Variants in CNTN3 observed in about 807,000 individuals in gnomAD.
CNTN3 encodes the protein contactin 3, also known as contactin-3.
Under a neutral mutation model 119.1 loss-of-function variants are expected in CNTN3, and 60 were observed. The observed-to-expected ratio is 0.50, with a 90% CI of 0.41 to 0.62. The LOEUF is 0.62. Ranked by LOEUF, CNTN3 falls within the 20% of genes least tolerant of loss-of-function variation. CNTN3 has a pLI of 0.00. For missense variants in CNTN3, 1,101 were observed against 1,242.4 expected (o/e 0.89, Z 1.71); for synonymous variants, 450 against 438.7 (o/e 1.03, Z -0.32).
At chr3:74,348,414 G>A (rs1439458571) in intron 11 of CNTN3, among the ~76,000 whole-genome samples, 4 of 152,126 alleles carry the variant, frequency 2.6e-5, no homozygotes, top group Non-Finnish European at 5.9e-5. Flanking sequence ...TGACTCACTG[G>A]TCACCAGTGG....
intron 11 of CNTN3, among the ~76,000 whole-genome samples, chr3:74,338,826 C>T (rs1703461783): frequency 6.6e-6 from 1 of 151,982 alleles, no homozygotes; most frequent in Admixed American, 6.6e-5. Context: ...GCACTGCATG[C>T]CAACTTGAGG....
At chr3:74,370,954 G>A (rs1309698104) in intron 6 of CNTN3, among the ~76,000 whole-genome samples, 1 of 151,974 alleles carries the variant, frequency 6.6e-6, no homozygotes, top group East Asian at 1.9e-4. Context: ...TTTGAAAAAG[G>A]GGCCACTCAT....
chr3:74,393,486 TC>T (rs1704966137), intron 5 of CNTN3, among the ~76,000 whole-genome samples: 3 of 152,248 alleles, frequency 2.0e-5, no homozygotes, highest in Admixed American at 2.0e-4. Context: ...CATGTGACCT[TC>T]CCTTTCTTGA....
At chr3:74,565,967 T>C (rs1168794105) in intron 1 of CNTN3, among the ~76,000 whole-genome samples, 1 of 152,128 alleles carries the variant, frequency 6.6e-6, no homozygotes, top group Non-Finnish European at 1.5e-5. Context: ...TGAGATCTCA[T>C]GGTTTTATAA....
intron 1 of CNTN3, among the ~76,000 whole-genome samples, chr3:74,523,330 T>C (rs1703570334): frequency 6.6e-6 from 1 of 151,994 alleles, no homozygotes; most frequent in East Asian, 2.0e-4. Context: ...AAACCAATAA[T>C]GTTTTTTAAA....
In CNTN3 at chr3:74,466,489, A is replaced by G. The variant is rs116091439; in HGVS notation, c.358+19967T>C. On this transcript the variant is annotated intron_variant, in intron 4 of 22. Transcript: ENST00000263665. The stretch of plus-strand genomic sequence containing the variant: ...GCTGAAAGTATCATTATGCATTAAG[A>G]GGCATAACTGTTTTGGTGTTAGAAA... Among the ~76,000 whole-genome samples, 1,307 of 152,282 alleles carry G rather than the reference A, an allele frequency of 8.6e-3. 14 individuals carry two copies. Among genetic ancestry groups the G allele is most frequent in the African/African-American group, 0.03 (1,242 of 41,562 alleles).
Position 74,301,658 on chromosome 3 carries a change from G to A in CNTN3, c.1934C>T (p.Thr645Ile), listed in dbSNP as rs776012001. 5.0e-6 allele frequency: 8 copies of A among 1,613,884 alleles called. No individual in the cohort carries two copies. In the South Asian group the frequency reaches 7.7e-5, roughly 16 times the overall value. ...ARTPFSVGWQ[T>I]VTTVPEVIDG... ...CTCTCCTGCTTTACCTGTTGTGACGGTTTGCCAACCCACGGAGAAAGGTGT... is the reference window on the plus strand; with the variant it reads ...CTCTCCTGCTTTACCTGTTGTGACGATTTGCCAACCCACGGAGAAAGGTGT... The change falls in exon 15 of 23, where the codon ACC becomes ATC. Residue 645 changes from threonine to isoleucine, a missense_variant. Thr to Ile is a moderately conservative substitution (Grantham distance 89). Coordinates refer to ENST00000263665, the MANE Select transcript of CNTN3 (RefSeq NM_020872.3).
intron 19 of CNTN3, among the ~76,000 whole-genome samples, chr3:74,290,052 A>C (rs1019127212): frequency 6.6e-6 from 1 of 152,180 alleles, no homozygotes; most frequent in East Asian, 1.9e-4. Context: ...CTTTCTTATA[A>C]AATATCCTTA....
chr3:74,316,844 C>T (rs1197064468), intron 13 of CNTN3, among the ~76,000 whole-genome samples: 3 of 151,374 alleles, frequency 2.0e-5, no homozygotes, highest in East Asian at 2.0e-4. Flanking sequence ...AGGAGAATGG[C>T]GTGAACCTGG....
intron 10 of CNTN3, 146 bp from the exon 11 acceptor site, chr3:74,362,186 ACAGG>A: frequency 1.3e-6 from 1 of 746,748 alleles, no homozygotes; most frequent in Non-Finnish European, 2.2e-6. Flanking sequence ...TGTGCCACAC[ACAGG>A]ATAATTCATG....
At chr3:74,560,202 C>A (rs1265768375) in intron 1 of CNTN3, among the ~76,000 whole-genome samples, 2 of 152,278 alleles carry the variant, frequency 1.3e-5, no homozygotes, top group African/African-American at 2.4e-5. Context: ...TTCCTCATCT[C>A]TAGAACAGGA....
At chr3:74,339,619 T>C (rs6786102) in intron 11 of CNTN3, among the ~76,000 whole-genome samples, 2,421 of 152,236 alleles carry the variant, frequency 0.016, 63 homozygotes, top group African/African-American at 0.055. Context: ...TCCAGTACAC[T>C]GTAGGCTCTC....
chr3:74,579,682 A>C (rs149507531), intron 1 of CNTN3, among the ~76,000 whole-genome samples: 2,564 of 152,282 alleles, frequency 0.017, 45 homozygotes, highest in Admixed American at 0.052. Context: ...TAAATTGGAA[A>C]TTAAAGATAA....
intron 21 of CNTN3, 38 bp from the exon 22 acceptor site, chr3:74,266,687 G>C (rs765308230): frequency 6.3e-7 from 1 of 1,588,208 alleles, no homozygotes; most frequent in Non-Finnish European, 8.6e-7. Flanking sequence ...TTGTTATATT[G>C]CCCATTTTTG....
intron 1 of CNTN3, among the ~76,000 whole-genome samples, chr3:74,602,945 C>A (rs992353828): frequency 1.3e-5 from 2 of 152,096 alleles, no homozygotes; most frequent in Non-Finnish European, 2.9e-5. Context: ...GAGACAAAAT[C>A]TGAAATGAAG....
At chr3:74,365,832 A>C in intron 8 of CNTN3, 130 bp from the exon 9 acceptor site, 1 of 1,015,790 alleles carries the variant, frequency 9.8e-7, no homozygotes, top group Non-Finnish European at 1.4e-6. Context: ...TGAAGTGAGA[A>C]CAGAGGCTAG....
chr3:74,281,004 C>T (rs573780711), intron 20 of CNTN3, among the ~76,000 whole-genome samples: 11 of 152,062 alleles, frequency 7.2e-5, no homozygotes, highest in South Asian at 6.2e-4. Flanking sequence ...GAAGAGCTTT[C>T]GAGATACAGG....
At chr3:74,381,346 T>C (rs1210383463) in intron 5 of CNTN3, among the ~76,000 whole-genome samples, 1 of 152,088 alleles carries the variant, frequency 6.6e-6, no homozygotes, top group Non-Finnish European at 1.5e-5. Flanking sequence ...TACATGATTA[T>C]GAAAGGATAT....
chr3:74,560,912 A>G (rs551921372), intron 1 of CNTN3, among the ~76,000 whole-genome samples: 59 of 151,776 alleles, frequency 3.9e-4, no homozygotes, highest in African/African-American at 1.4e-3. Flanking sequence ...TTCTCAGCAA[A>G]CTATCGCAAG....
Sources: allele counts gnomAD v4.1 joint callset (sites outside exome capture counted in the v4.1 genomes callset), GRCh38; gene constraint gnomAD v4.1.1; transcripts MANE v1.5; gene names NCBI Gene and HGNC (gene_info 2026-07-23, HGNC 2026-07-21).